Variants in PRKG1 observed in about 807,000 individuals in gnomAD.
The protein encoded by PRKG1 is cGMP-dependent protein kinase 1.
A neutral mutation model predicts 88.1 loss-of-function variants in PRKG1; 35 were observed. That is an observed-to-expected ratio of 0.40 (90% CI 0.30 to 0.53). The LOEUF is 0.53. PRKG1 is among the 20% of genes least tolerant of loss of function. PRKG1 has a pLI of 0.59. For missense variants in PRKG1, 540 were observed against 839.8 expected (o/e 0.64, Z 4.41); for synonymous variants, 303 against 292.5 (o/e 1.04, Z -0.37).
chr10:51,118,786 G>A (rs1469486808), intron 1 of PRKG1, among the ~76,000 whole-genome samples: 3 of 152,118 alleles, frequency 2.0e-5, no homozygotes, highest in Admixed American at 1.3e-4. Flanking sequence ...TACAGTAAAT[G>A]ACTATAGCTG....
intron 17 of PRKG1, among the ~76,000 whole-genome samples, chr10:52,291,758 G>C (rs1379126907): frequency 6.6e-6 from 1 of 151,656 alleles, no homozygotes; most frequent in Non-Finnish European, 1.5e-5. Flanking sequence ...AGTCATTTGG[G>C]TATATACCCA....
chr10:51,323,013 A>G (rs1298090553), intron 2 of PRKG1, among the ~76,000 whole-genome samples: 1 of 152,214 alleles, frequency 6.6e-6, no homozygotes, highest in East Asian at 1.9e-4. Flanking sequence ...TAAATAGTAG[A>G]CATTTATATT....
intron 3 of PRKG1, among the ~76,000 whole-genome samples, chr10:51,572,921 G>A (rs34758904): frequency 0.014 from 2,136 of 151,838 alleles, 19 homozygotes; most frequent in Non-Finnish European, 0.021. Flanking sequence ...CAAAATAGTG[G>A]GAAAATCAAG....
intron 2 of PRKG1, among the ~76,000 whole-genome samples, chr10:51,216,103 A>T (rs1035224135): frequency 1.3e-5 from 2 of 152,214 alleles, no homozygotes; most frequent in African/African-American, 4.8e-5. Flanking sequence ...GACTTGGTAT[A>T]GGACCTGGCC....
At chr10:52,098,825 G>A (rs961839970) in intron 7 of PRKG1, among the ~76,000 whole-genome samples, 1 of 152,140 alleles carries the variant, frequency 6.6e-6, no homozygotes, top group Non-Finnish European at 1.5e-5. Context: ...TGGTTATGAT[G>A]AGTGGGTGAG....
intron 5 of PRKG1, among the ~76,000 whole-genome samples, chr10:51,936,151 A>G (rs1303083734): frequency 1.3e-5 from 2 of 151,944 alleles, no homozygotes; most frequent in Non-Finnish European, 2.9e-5. Flanking sequence ...AATCTCACAA[A>G]TATTATCCCT....
At chr10:51,002,608 T>G (rs1347530850) in intron 1 of PRKG1, among the ~76,000 whole-genome samples, 2 of 152,166 alleles carry the variant, frequency 1.3e-5, no homozygotes, top group Non-Finnish European at 2.9e-5. Flanking sequence ...TGGATCAATA[T>G]TCCCTCAGAG....
At chr10:51,545,172 A>G (rs1842416703) in intron 3 of PRKG1, among the ~76,000 whole-genome samples, 1 of 152,080 alleles carries the variant, frequency 6.6e-6, no homozygotes, top group Admixed American at 6.6e-5. Context: ...CCTAATAAAA[A>G]AATTGTAGAC....
intron 3 of PRKG1, among the ~76,000 whole-genome samples, chr10:51,534,560 C>T (rs1385740734): frequency 8.7e-5 from 4 of 45,886 alleles, no homozygotes; most frequent in Non-Finnish European, 2.4e-4. Flanking sequence ...CCCAGCTACT[C>T]GGGAGCTGAG....
In PRKG1 at chr10:51,520,196, C is replaced by T. The variant is rs1589040862; in HGVS notation, c.592+52360C>T. ...ACACTGTACTGAATTTTTAATACTA[C>T]ATTATTTATATAATATATACAAATT... On this transcript the variant is annotated intron_variant, in intron 3 of 17. Transcript: ENST00000373980. Among the ~76,000 whole-genome samples the T allele has an allele frequency of 3.3e-5, 5 of 150,740 alleles. No individual in the cohort carries two copies. The South Asian group carries it at 8.3e-4, about 25-fold the overall frequency.
intron 1 of PRKG1, among the ~76,000 whole-genome samples, chr10:51,010,518 A>G (rs1280752894): frequency 6.6e-6 from 1 of 152,248 alleles, no homozygotes; most frequent in African/African-American, 2.4e-5. Context: ...ATGCATATAT[A>G]TATATGTGGT....
intron 3 of PRKG1, among the ~76,000 whole-genome samples, chr10:51,609,063 GGTTA>G (rs1360810256): frequency 6.6e-6 from 1 of 151,426 alleles, no homozygotes; most frequent in African/African-American, 2.4e-5. Context: ...AATAAGCTAA[GGTTA>G]GTTTATTATT....
intron 2 of PRKG1, among the ~76,000 whole-genome samples, chr10:51,388,623 T>C (rs1201658489): frequency 6.6e-6 from 1 of 152,214 alleles, no homozygotes; most frequent in African/African-American, 2.4e-5. Flanking sequence ...AAAAATTCTG[T>C]CTTTCCAATT....
At chr10:52,054,683 A>T in intron 6 of PRKG1, 122 bp downstream of exon 6, 1 of 745,156 alleles carries the variant, frequency 1.3e-6, no homozygotes, top group Non-Finnish European at 2.2e-6. Context: ...TGACACAGAG[A>T]GGTATTAGAG....
chr10:51,289,684 G>A (rs1564431471), intron 2 of PRKG1, among the ~76,000 whole-genome samples: 3 of 152,018 alleles, frequency 2.0e-5, no homozygotes, highest in Admixed American at 1.3e-4. Context: ...GAGAGAGAGA[G>A]AGAGAGTTTG....
rs143686794 is a variant in PRKG1 at position 51,318,326 on chromosome 10, G to A, written c.479-149397G>A. Among the ~76,000 whole-genome samples the A allele has an allele frequency of 3.2e-3, 480 of 152,272 alleles. 3 individuals are homozygous for A. The highest frequency in any genetic ancestry group is 0.011 in the African/African-American group (450 of 41,554). ...TTTTACTTTTCTAGGGATGTAAAAT[G>A]AGGATGATAAATGTGCCTACTTCAA... On this transcript the variant is annotated intron_variant, in intron 2 of 17. Coordinates refer to ENST00000373980, the MANE Select transcript of PRKG1 (RefSeq NM_006258.4).
intron 1 of PRKG1, among the ~76,000 whole-genome samples, chr10:51,057,532 C>G (rs1445666769): frequency 6.6e-6 from 1 of 152,098 alleles, no homozygotes; most frequent in Non-Finnish European, 1.5e-5. Context: ...CCCAGATCCC[C>G]AAAAGCCTTC....
chr10:51,565,785 A>G (rs1837586066), intron 3 of PRKG1, among the ~76,000 whole-genome samples: 1 of 150,186 alleles, frequency 6.7e-6, no homozygotes, highest in Admixed American at 6.6e-5. Flanking sequence ...AAATGTGAAG[A>G]CATTTACTTT....
chr10:52,144,536 C>A (rs1837674833), intron 8 of PRKG1, among the ~76,000 whole-genome samples: 1 of 152,160 alleles, frequency 6.6e-6, no homozygotes, highest in Admixed American at 6.5e-5. Context: ...TAGGGCCAGG[C>A]ACAGTGGCTC....
Sources: gnomAD v4.1 joint callset for allele counts (sites outside exome capture counted in the v4.1 genomes callset) on GRCh38, gnomAD v4.1.1 for gene constraint, MANE v1.5 for transcripts, NCBI Gene and HGNC (gene_info 2026-07-23, HGNC 2026-07-21) for gene names.